RTF1: variants seen among roughly 807,000 people sequenced by gnomAD.
RTF1 encodes the protein RNA polymerase-associated protein RTF1 homolog.
RTF1 carries 10 observed loss-of-function variants against 95.7 expected under a neutral mutation model. That is an observed-to-expected ratio of 0.10 (90% CI 0.06 to 0.18). The LOEUF is 0.18. Ranked by LOEUF, RTF1 falls within the 10% of genes least tolerant of loss-of-function variation. RTF1 has a pLI of 1.00. For synonymous variants in RTF1, 305 were observed against 311.8 expected (o/e 0.98, Z 0.23); for missense variants, 458 against 875.6 (o/e 0.52, Z 6.02).
At position 41,482,508 on chromosome 15, in the gene RTF1, C is replaced by T. The variant is rs1489169763; in HGVS notation, c.*1821C>T. The T allele has an allele frequency of 1.3e-5, 2 of 152,328 alleles. No homozygotes were observed. Among genetic ancestry groups the T allele is most frequent in the African/African-American group, 4.8e-5 (2 of 41,420 alleles). The allele number at this position is 152,328 out of a possible 1,614,324, so 9.4% of individuals were successfully genotyped here. A position where few individuals can be genotyped will look rare whatever the true frequency, so the allele number is the denominator to read the frequency against. On this transcript the variant is annotated 3_prime_UTR_variant, in exon 18 of 18. Coordinates refer to ENST00000389629, the MANE Select transcript of RTF1 (RefSeq NM_015138.5). ...TGGTAACTTCTGGGTTTAGTAGAGCCTCAGTGTCGCTTTAACTTAGTTTAC... is the reference window on the plus strand; with the variant it reads ...TGGTAACTTCTGGGTTTAGTAGAGCTTCAGTGTCGCTTTAACTTAGTTTAC...
At chr15:41,437,209 C>A (rs2050708876) in intron 1 of RTF1, among the ~76,000 whole-genome samples, 1 of 151,560 alleles carries the variant, frequency 6.6e-6, no homozygotes, top group African/African-American at 2.4e-5. Context: ...AAGTACCTTG[C>A]ATTGGGCCGG....
intron 6 of RTF1, among the ~76,000 whole-genome samples, chr15:41,468,195 G>A (rs558386055): frequency 7.6e-4 from 116 of 152,002 alleles, no homozygotes; most frequent in African/African-American, 2.7e-3. Context: ...ATAATAACGT[G>A]TTCTGTCCTA....
chr15:41,435,458 G>A (rs7166469), intron 1 of RTF1, among the ~76,000 whole-genome samples: 8,258 of 151,690 alleles, frequency 0.054, 507 homozygotes, highest in African/African-American at 0.15. Context: ...TACAGGTGTA[G>A]ACCACCGTGC....
At chr15:41,450,224 A>T (rs1595432661) in intron 2 of RTF1, among the ~76,000 whole-genome samples, 1 of 152,134 alleles carries the variant, frequency 6.6e-6, no homozygotes, top group Non-Finnish European at 1.5e-5. Context: ...GAAATAAAAC[A>T]CAAAGTAAAT....
At chr15:41,431,803 CTTTTTTT>C (rs112428098) in intron 1 of RTF1, among the ~76,000 whole-genome samples, 1 of 144,030 alleles carries the variant, frequency 6.9e-6, no homozygotes, top group Admixed American at 7.0e-5. Context: ...CTGGCTCATA[CTTTTTTT>C]TTTTTTTTGA....
rs1465066707 is a variant in RTF1 at position 41,477,219 on chromosome 15, C to T, written c.1615C>T (p.Leu539=). Residue 539 remains leucine (L), a synonymous_variant, in exon 13 of 18, where the codon CTG becomes TTG. Coordinates refer to ENST00000389629, the MANE Select transcript of RTF1 (RefSeq NM_015138.5). ...QDKAKQIQDQ[L]NELEERAEAL... ...CAAGGCCAAACAAATCCAAGATCAACTGAATGAGCTGGAGGAACGGGCAGA... is the reference window on the plus strand; with the variant it reads ...CAAGGCCAAACAAATCCAAGATCAATTGAATGAGCTGGAGGAACGGGCAGA... The T allele has an allele frequency of 1.2e-6, 2 of 1,614,136 alleles. No homozygotes were observed. The highest frequency in any genetic ancestry group is 4.5e-5 in the East Asian group (2 of 44,902).
At chr15:41,453,789 G>T (rs1220736107) in intron 3 of RTF1, among the ~76,000 whole-genome samples, 1 of 150,970 alleles carries the variant, frequency 6.6e-6, no homozygotes, top group Non-Finnish European at 1.5e-5. Context: ...GAAAATAGAA[G>T]TGAACTTGTT....
rs2050627405 is a variant in RTF1, at chr15:41,426,010, C to A, written c.198+8697C>A. ...GAAAATAACACTTGAGGGCCAGGCA[C>A]AATGGCTCATGCCTGTAATCCCAGC... On this transcript the variant is annotated intron_variant, in intron 1 of 17. Coordinates refer to ENST00000389629, the MANE Select transcript of RTF1 (RefSeq NM_015138.5). Among the ~76,000 whole-genome samples the A allele has an allele frequency of 2.0e-5, 3 of 152,066 alleles. No individual in the cohort carries two copies. In the South Asian group the frequency reaches 6.2e-4, roughly 32 times the overall value.
chr15:41,462,516 A>G (rs1253185143), intron 4 of RTF1, among the ~76,000 whole-genome samples: 1 of 152,172 alleles, frequency 6.6e-6, no homozygotes, highest in Non-Finnish European at 1.5e-5. Context: ...GATTATATAC[A>G]TAAGAACATT....
chr15:41,474,769 TTC>T, intron 9 of RTF1, 67 bp downstream of exon 9: 1 of 1,061,278 alleles, frequency 9.4e-7, no homozygotes, highest in South Asian at 1.2e-5. Context: ...GGGGCTGCTG[TTC>T]TCTCTGTGTG....
rs114422723 is a variant in RTF1 at position 41,481,110 on chromosome 15, G to A, written c.*423G>A. On this transcript the variant is annotated 3_prime_UTR_variant, in exon 18 of 18. Coordinates refer to ENST00000389629, the MANE Select transcript of RTF1 (RefSeq NM_015138.5). ...GCCTTGGCCCACCCATTGAACATTCGGCACGTGACCTTGTGGGGGGAGCGG... is the reference window on the plus strand; with the variant it reads ...GCCTTGGCCCACCCATTGAACATTCAGCACGTGACCTTGTGGGGGGAGCGG... The A allele has an allele frequency of 1.2e-3, 196 of 157,802 alleles. No homozygotes were observed. Among genetic ancestry groups the A allele is most frequent in the African/African-American group, 4.6e-3 (190 of 41,680 alleles). The allele number at this position is 157,802 out of a possible 1,614,324, so 9.8% of individuals were successfully genotyped here.
At chr15:41,457,615 G>A (rs1025831163) in intron 3 of RTF1, 57 bp from the exon 4 acceptor site, 17 of 1,472,228 alleles carry the variant, frequency 1.2e-5, no homozygotes, top group East Asian at 6.8e-5. Context: ...TTGTGGAGCC[G>A]CTTGTGGCCT....
chr15:41,438,363 G>T lies in RTF1; in HGVS notation c.241G>T (p.Glu81Ter). 6.4e-7 allele frequency: 1 copy of T among 1,551,284 alleles called. No homozygotes were observed. The highest frequency in any genetic ancestry group is 1.2e-5 in the South Asian group (1 of 84,032). The change falls in exon 2 of 18, where the codon GAG becomes TAG. Residue 81 changes from glutamate (E) to a stop codon, truncating the protein, a stop_gained. Transcript: ENST00000389629. LOFTEE classifies it high-confidence loss of function. ...AAAGCGAAAGCGCAGTGACTCTGAGGAGAAGGAGCCGCCTGTGAGTCAGCC... is the reference window on the plus strand; with the variant it reads ...AAAGCGAAAGCGCAGTGACTCTGAGTAGAAGGAGCCGCCTGTGAGTCAGCC... Reference protein sequence around the residue: ...LAKRKRSDSEEKEPPVSQPAA... With the variant: ...LAKRKRSDSE
intron 1 of RTF1, among the ~76,000 whole-genome samples, chr15:41,434,014 T>C (rs992576151): frequency 6.6e-6 from 1 of 151,930 alleles, no homozygotes; most frequent in Non-Finnish European, 1.5e-5. Context: ...CACAGCTAAT[T>C]TTTTATTTTT....
At chr15:41,460,431 T>C (rs1416414624) in intron 4 of RTF1, among the ~76,000 whole-genome samples, 4 of 152,062 alleles carry the variant, frequency 2.6e-5, no homozygotes, top group African/African-American at 9.7e-5. Flanking sequence ...CTTCAACATT[T>C]GTTTTGAGTG....
intron 1 of RTF1, among the ~76,000 whole-genome samples, chr15:41,420,220 C>G (rs979940663): frequency 6.6e-6 from 1 of 152,102 alleles, no homozygotes; most frequent in African/African-American, 2.4e-5. Context: ...AATTTAACTT[C>G]CTCCCCTTCA....
chr15:41,433,965 C>G (rs2050688983), intron 1 of RTF1, among the ~76,000 whole-genome samples: 1 of 151,642 alleles, frequency 6.6e-6, no homozygotes, highest in Non-Finnish European at 1.5e-5. Context: ...TCTGCCTCAG[C>G]CTCCCGAGTA....
intron 4 of RTF1, among the ~76,000 whole-genome samples, chr15:41,464,334 T>A (rs1257397215): frequency 1.3e-5 from 2 of 149,408 alleles, no homozygotes; most frequent in African/African-American, 4.9e-5. Flanking sequence ...CATTGCAACC[T>A]CCCTCCCGGA....
chr15:41,453,651 C>T (rs1315658159), intron 3 of RTF1, among the ~76,000 whole-genome samples: 1 of 151,424 alleles, frequency 6.6e-6, no homozygotes, highest in African/African-American at 2.4e-5. Context: ...TGCTTGAGCC[C>T]AGGACTTCGA....
Sources: gnomAD v4.1 joint callset for allele counts (sites outside exome capture counted in the v4.1 genomes callset) on GRCh38, gnomAD v4.1.1 for gene constraint, MANE v1.5 for transcripts, NCBI Gene and HGNC (gene_info 2026-07-23, HGNC 2026-07-21) for gene names.